Variants in ZNF521 observed in about 807,000 individuals in gnomAD.
ZNF521 encodes LYST-interacting protein 3.
A neutral mutation model predicts 105.5 loss-of-function variants in ZNF521; 14 were observed. The observed-to-expected ratio is 0.13, with a 90% confidence interval of 0.09 to 0.21. ZNF521 has a LOEUF of 0.21. Ranked by LOEUF, ZNF521 falls within the 10% of genes least tolerant of loss-of-function variation. The pLI is 1.00. For missense variants in ZNF521, 1,233 were observed against 1,629.7 expected, an observed-to-expected ratio of 0.76 and a Z score of 4.19; for synonymous variants, 635 against 606.0, an observed-to-expected ratio of 1.05 and a Z score of -0.70.
At chr18:25,285,316 T>C (rs1035078969) in intron 3 of ZNF521, among the ~76,000 whole-genome samples, 2 of 152,298 alleles carry the variant, frequency 1.3e-5, no homozygotes, top group East Asian at 1.9e-4. Context: ...ATTTCTGAAA[T>C]GTAGGCATTG....
At chr18:25,336,514 G>A (rs978428695) in intron 2 of ZNF521, among the ~76,000 whole-genome samples, 3 of 152,182 alleles carry the variant, frequency 2.0e-5, no homozygotes, top group African/African-American at 7.2e-5. Flanking sequence ...TGGCAGAGGT[G>A]CTAAAATTAA....
At chr18:25,086,285 C>T (rs1218391222) in intron 7 of ZNF521, among the ~76,000 whole-genome samples, 1 of 152,026 alleles carries the variant, frequency 6.6e-6, no homozygotes, top group Non-Finnish European at 1.5e-5. Flanking sequence ...CACTTACCAT[C>T]CCATTTTCTA....
chr18:25,182,912 C>G (rs1476905785), intron 5 of ZNF521, among the ~76,000 whole-genome samples: 5 of 152,092 alleles, frequency 3.3e-5, no homozygotes, highest in Admixed American at 3.3e-4. Context: ...AATGTGAATT[C>G]AAACCTACCA....
At chr18:25,209,039 C>T (rs1451727231) in intron 4 of ZNF521, among the ~76,000 whole-genome samples, 2 of 152,208 alleles carry the variant, frequency 1.3e-5, no homozygotes, top group Non-Finnish European at 2.9e-5. Flanking sequence ...TTAGATTTAA[C>T]GATGCCACTC....
chr18:25,312,743 G>A (rs1182641723), intron 3 of ZNF521, among the ~76,000 whole-genome samples: 1 of 47,122 alleles, frequency 2.1e-5, no homozygotes, highest in African/African-American at 8.1e-5. Flanking sequence ...CCCGGGAAGC[G>A]GAGCTTGCAG....
chr18:25,284,708 T>C (rs927946448), intron 3 of ZNF521, among the ~76,000 whole-genome samples: 3 of 150,224 alleles, frequency 2.0e-5, no homozygotes, highest in African/African-American at 4.9e-5. Flanking sequence ...AAAAGCACCA[T>C]AAAAAAAGAG....
At chr18:25,222,881 G>C (rs1366173076) in intron 4 of ZNF521, among the ~76,000 whole-genome samples, 1 of 152,114 alleles carries the variant, frequency 6.6e-6, no homozygotes, top group African/African-American at 2.4e-5. Flanking sequence ...CTTATTCTTA[G>C]GAGATGTCAT....
chr18:25,314,567 C>T (rs1332310078), intron 3 of ZNF521, among the ~76,000 whole-genome samples: 3 of 152,158 alleles, frequency 2.0e-5, no homozygotes, highest in Non-Finnish European at 4.4e-5. Flanking sequence ...AAAATGTGAA[C>T]AGGAAGAATA....
At chr18:25,203,480 G>A (rs2036027136) in intron 4 of ZNF521, among the ~76,000 whole-genome samples, 1 of 152,088 alleles carries the variant, frequency 6.6e-6, no homozygotes, top group African/African-American at 2.4e-5. Flanking sequence ...AGTCAGGTGT[G>A]GTGGTTTGTG....
intron 3 of ZNF521, among the ~76,000 whole-genome samples, chr18:25,260,908 T>C (rs1024628871): frequency 1.3e-5 from 2 of 152,198 alleles, no homozygotes; most frequent in African/African-American, 2.4e-5. Context: ...ACTGTTACTC[T>C]ATAAATAATA....
chr18:25,120,623 AAAC>A (rs2034421169), intron 5 of ZNF521, among the ~76,000 whole-genome samples: 1 of 151,440 alleles, frequency 6.6e-6, no homozygotes, highest in Non-Finnish European at 1.5e-5. Context: ...ACAAACAAAC[AAAC>A]AAAAAAACCT....
At chr18:25,264,077 C>T (rs2144907824) in intron 3 of ZNF521, among the ~76,000 whole-genome samples, 1 of 152,086 alleles carries the variant, frequency 6.6e-6, no homozygotes, top group Admixed American at 6.5e-5. Flanking sequence ...AGGTGTGGTA[C>T]CCTCATTATT....
rs865921778 is a variant in ZNF521 at position 25,312,805 on chromosome 18, G to A, written c.220+9203C>T. On this transcript the variant is annotated intron_variant, in intron 3 of 7. Coordinates refer to ENST00000361524, the MANE Select transcript of ZNF521 (RefSeq NM_015461.3). ...CGCAGTCCGACCTGGGCGACAGAGCGAGACTCCGTCTCAAAAAAAAAAAAA... is the reference window on the plus strand; with the variant it reads ...CGCAGTCCGACCTGGGCGACAGAGCAAGACTCCGTCTCAAAAAAAAAAAAA... 2.5e-4 allele frequency among the ~76,000 whole-genome samples: 8 copies of A among 32,474 alleles called. 2 individuals carry two copies. The highest frequency in any genetic ancestry group is 5.3e-4 in the South Asian group (1 of 1,882). 21.3% of individuals were successfully genotyped at this position (32,474 alleles called of 152,430 possible). A position where few individuals can be genotyped will look rare whatever the true frequency, so the allele number is the denominator to read the frequency against.
rs766570121 is a variant in ZNF521 at position 25,225,214 on chromosome 18, G to T, written c.2704C>A (p.Gln902Lys). Residue 902 changes from glutamine to lysine, a missense_variant, in exon 4 of 8, where the codon CAG (glutamine) becomes AAG (lysine). By Grantham distance (53) the Gln-to-Lys change is moderately conservative (BLOSUM62 1). Coordinates refer to ENST00000361524, the MANE Select transcript of ZNF521 (RefSeq NM_015461.3). The surrounding 1 kb of genome is among the most constrained non-coding windows in gnomAD (Gnocchi z 5.6). ...GAAYTMETLL[Q>K]NHQLRDHNIR... is the part of the protein sequence containing the mutation. The stretch of plus-strand genomic sequence containing the variant: ...TTGTGGTCTCGGAGCTGGTGATTCT[G>T]CAGCAAAGTTTCCATAGTGTAGGCT... 7 of 1,614,084 alleles carry T rather than the reference G, an allele frequency of 4.3e-6. No homozygotes were observed. The Admixed American group carries it at 1.2e-4, about 27-fold the overall frequency.
At chr18:25,265,817 T>TA (rs1406796894) in intron 3 of ZNF521, among the ~76,000 whole-genome samples, 2 of 152,126 alleles carry the variant, frequency 1.3e-5, no homozygotes, top group Non-Finnish European at 2.9e-5. Context: ...GGGAAAATAA[T>TA]ATGTGGTATG....
intron 5 of ZNF521, among the ~76,000 whole-genome samples, chr18:25,100,549 T>C (rs2144254654): frequency 6.6e-6 from 1 of 152,262 alleles, no homozygotes; most frequent in African/African-American, 2.4e-5. Flanking sequence ...ATCCTGCTCC[T>C]TTCACTTTGT....
At chr18:25,282,969 G>A (rs1287503816) in intron 3 of ZNF521, among the ~76,000 whole-genome samples, 2 of 152,172 alleles carry the variant, frequency 1.3e-5, no homozygotes, top group African/African-American at 4.8e-5. Context: ...TCCTTAAAGT[G>A]CTTAAGTACA....
chr18:25,230,333 C>T (rs1241287726), intron 3 of ZNF521, among the ~76,000 whole-genome samples: 7 of 152,112 alleles, frequency 4.6e-5, no homozygotes, highest in Non-Finnish European at 8.8e-5. Flanking sequence ...CTCTCATTTG[C>T]CAGTACTGTA....
At chr18:25,294,086 G>C (rs1470066331) in intron 3 of ZNF521, among the ~76,000 whole-genome samples, 2 of 152,246 alleles carry the variant, frequency 1.3e-5, no homozygotes, top group South Asian at 4.1e-4. Context: ...AAAAAGAAAT[G>C]ATTTTATTAG....
Sources: allele counts gnomAD v4.1 joint callset (sites outside exome capture counted in the v4.1 genomes callset), GRCh38; gene constraint gnomAD v4.1.1; non-coding constraint Gnocchi (gnomAD v3.1); transcripts MANE v1.5; gene names NCBI Gene and HGNC (gene_info 2026-07-23, HGNC 2026-07-21).